MATN2: variants seen among roughly 807,000 people sequenced by gnomAD.
MATN2 encodes the protein matrilin 2.
A neutral mutation model predicts 103.2 loss-of-function variants in MATN2; 69 were observed. The observed-to-expected ratio is 0.67, with a 90% CI of 0.55 to 0.82. MATN2 has a LOEUF of 0.82. Among genes scored for constraint, MATN2 ranks in the 40% least tolerant of loss-of-function variants. The pLI, the probability that MATN2 is intolerant of heterozygous loss-of-function variation, is 0.00. For synonymous variants in MATN2, 429 were observed against 450.2 expected (o/e 0.95, Z 0.60); for missense variants, 1,023 against 1,211.5 (o/e 0.84, Z 2.31).
At chr8:98,021,112 A>C in intron 12 of MATN2, 93 bp from the exon 13 acceptor site, 1 of 1,269,886 alleles carries the variant, frequency 7.9e-7, no homozygotes, top group Non-Finnish European at 1.1e-6. Flanking sequence ...TTTCTTTAAA[A>C]GAGATTACTT....
At chr8:98,027,970 C>A in intron 14 of MATN2, 141 bp downstream of exon 14, 1 of 796,146 alleles carries the variant, frequency 1.3e-6, no homozygotes, top group Non-Finnish European at 1.9e-6. Context: ...TACATCTTTA[C>A]TACCCTGCCA....
In MATN2 at chr8:97,870,707, C is replaced by T. The variant is rs762397436; in HGVS notation, c.-27+1420C>T. 2.6e-5 allele frequency among the ~76,000 whole-genome samples: 4 copies of T among 152,264 alleles called. No homozygotes were observed. The South Asian group carries it at 6.2e-4, about 24-fold the overall frequency. On this transcript the variant is annotated intron_variant, in intron 1 of 18. Transcript: ENST00000254898. ...GTACGTGAGGGTGGCAGATAAGCCACGTGTATGCAACTGGTAGTTCCATGC... is the reference window on the plus strand; with the variant it reads ...GTACGTGAGGGTGGCAGATAAGCCATGTGTATGCAACTGGTAGTTCCATGC...
chr8:97,926,020 C>G (rs550968116), intron 2 of MATN2, among the ~76,000 whole-genome samples: 1 of 152,196 alleles, frequency 6.6e-6, no homozygotes, highest in Non-Finnish European at 1.5e-5. Context: ...CATTGTCATT[C>G]TGCTGGAGTA....
chr8:98,011,590 G>T (rs575926537), intron 10 of MATN2, among the ~76,000 whole-genome samples: 17 of 152,292 alleles, frequency 1.1e-4, no homozygotes, highest in African/African-American at 4.1e-4. Flanking sequence ...GTTTGTCTGA[G>T]AAAAAGCCTA....
intron 5 of MATN2, among the ~76,000 whole-genome samples, chr8:97,968,403 G>A (rs995999682): frequency 3.9e-5 from 6 of 152,202 alleles, no homozygotes; most frequent in African/African-American, 1.2e-4. Context: ...TTCTTTCTCT[G>A]CCACATGGCT....
At chr8:97,924,161 T>G (rs1331107184) in intron 2 of MATN2, among the ~76,000 whole-genome samples, 2 of 152,222 alleles carry the variant, frequency 1.3e-5, no homozygotes, top group Non-Finnish European at 2.9e-5. Context: ...ATGATAACCC[T>G]TGTTAAATTC....
intron 2 of MATN2, among the ~76,000 whole-genome samples, chr8:97,921,985 A>C (rs1004556937): frequency 3.3e-5 from 5 of 152,206 alleles, no homozygotes; most frequent in Non-Finnish European, 5.9e-5. Flanking sequence ...CAGTGGCGAC[A>C]TTCCGTTCTC....
intron 18 of MATN2, among the ~76,000 whole-genome samples, chr8:98,035,353 G>A (rs1310856069): frequency 1.3e-5 from 2 of 150,844 alleles, no homozygotes; most frequent in Non-Finnish European, 2.9e-5. Context: ...GCGAAACTCT[G>A]TCTCAAAAAA....
chr8:97,937,304 A>G (rs1341981688), intron 3 of MATN2, among the ~76,000 whole-genome samples: 1 of 152,168 alleles, frequency 6.6e-6, no homozygotes, highest in Non-Finnish European at 1.5e-5. Flanking sequence ...AGGTGTCTGT[A>G]CTGAGGTCCC....
chr8:97,909,195 A>G (rs1028043807), intron 2 of MATN2, among the ~76,000 whole-genome samples: 1 of 152,202 alleles, frequency 6.6e-6, no homozygotes, highest in Non-Finnish European at 1.5e-5. Flanking sequence ...GGCCTCCCAA[A>G]TTGCTGGGAT....
chr8:98,035,072 A>T (rs1057173727), intron 18 of MATN2, among the ~76,000 whole-genome samples: 1 of 151,610 alleles, frequency 6.6e-6, no homozygotes, highest in African/African-American at 2.4e-5. Context: ...AATAAATAAA[A>T]TAAGGCCGGG....
At chr8:97,915,098 C>T (rs1227340523) in intron 2 of MATN2, among the ~76,000 whole-genome samples, 2 of 151,876 alleles carry the variant, frequency 1.3e-5, no homozygotes, top group Non-Finnish European at 2.9e-5. Context: ...GCGATCCTCC[C>T]GCCTCAGCCT....
At chr8:97,888,312 T>G in intron 2 of MATN2, 70 bp downstream of exon 2, 7 of 1,378,356 alleles carry the variant, frequency 5.1e-6, no homozygotes, top group Non-Finnish European at 6.6e-6. Flanking sequence ...GGGACAGGGA[T>G]TGGTGACTGT....
intron 2 of MATN2, among the ~76,000 whole-genome samples, chr8:97,905,072 TAC>T (rs1272016272): frequency 6.6e-6 from 1 of 152,232 alleles, no homozygotes; most frequent in East Asian, 1.9e-4. Flanking sequence ...ACTTCAAAAT[TAC>T]ACTAGTTAGT....
intron 10 of MATN2, among the ~76,000 whole-genome samples, chr8:98,010,882 G>T (rs959562962): frequency 6.6e-6 from 1 of 152,242 alleles, no homozygotes; most frequent in Non-Finnish European, 1.5e-5. Context: ...GCTGCCTGAG[G>T]CCCTGAGCTT....
chr8:97,976,015 G>T (rs1313320261), intron 5 of MATN2, among the ~76,000 whole-genome samples: 1 of 152,202 alleles, frequency 6.6e-6, no homozygotes, highest in Non-Finnish European at 1.5e-5. Context: ...ATCCTGAGAT[G>T]ACATGAATGC....
At chr8:98,014,312 C>T (rs1813284060) in intron 10 of MATN2, among the ~76,000 whole-genome samples, 1 of 152,096 alleles carries the variant, frequency 6.6e-6, no homozygotes, top group East Asian at 1.9e-4. Flanking sequence ...AAAAACACCT[C>T]ACCTCCATGG....
At chr8:98,002,134 G>C (rs774337415) in intron 7 of MATN2, among the ~76,000 whole-genome samples, 3 of 152,162 alleles carry the variant, frequency 2.0e-5, no homozygotes, top group Non-Finnish European at 4.4e-5. Context: ...TATCTTCCCT[G>C]GAGCCTGCTA....
chr8:97,901,335 C>T (rs999277796), intron 2 of MATN2, among the ~76,000 whole-genome samples: 3 of 151,956 alleles, frequency 2.0e-5, no homozygotes, highest in African/African-American at 4.8e-5. Flanking sequence ...TCACTGTAAC[C>T]TCCGCCTTTT....
Sources: allele counts gnomAD v4.1 joint callset (sites outside exome capture counted in the v4.1 genomes callset), GRCh38; gene constraint gnomAD v4.1.1; transcripts MANE v1.5; gene names NCBI Gene and HGNC (gene_info 2026-07-23, HGNC 2026-07-21).